Variants in CHST8 observed in about 807,000 individuals in gnomAD.
The protein encoded by CHST8 is GALNAC-4-ST1.
A neutral mutation model predicts 15.0 loss-of-function variants in CHST8; 10 were observed. The observed-to-expected ratio is 0.67, with a 90% CI of 0.41 to 1.13. CHST8 has a LOEUF of 1.13. Ranked by LOEUF, CHST8 falls within the 50% of genes most tolerant of loss-of-function variation. CHST8 has a pLI of 0.00. For synonymous variants in CHST8, 259 were observed against 256.6 expected, an observed-to-expected ratio of 1.01 and a Z score of -0.09; for missense variants, 634 against 608.2, an observed-to-expected ratio of 1.04 and a Z score of -0.45.
intron 3 of CHST8, among the ~76,000 whole-genome samples, chr19:33,694,636 G>A (rs1339515140): frequency 2.6e-5 from 4 of 152,176 alleles, no homozygotes; most frequent in Non-Finnish European, 5.9e-5. Flanking sequence ...CTGGAGTGCA[G>A]TGGCATGATC....
intron 1 of CHST8, among the ~76,000 whole-genome samples, chr19:33,622,992 C>A (rs1972005391): frequency 6.6e-6 from 1 of 152,170 alleles, no homozygotes. Flanking sequence ...GCTCTGACGG[C>A]GGCTGCAACT....
intron 1 of CHST8, among the ~76,000 whole-genome samples, chr19:33,654,314 A>G (rs1274632942): frequency 6.6e-6 from 1 of 152,114 alleles, no homozygotes; most frequent in Admixed American, 6.6e-5. Flanking sequence ...AGCATAAATC[A>G]GGTTTCTCCC....
chr19:33,650,507 C>CTTTTT (rs74174678), intron 1 of CHST8, among the ~76,000 whole-genome samples: 1 of 54,544 alleles, frequency 1.8e-5, no homozygotes, highest in Non-Finnish European at 3.4e-5. Context: ...TTTTCTTTTT[C>CTTTTT]TTTTTCTTTT....
rs565003747 is a variant in CHST8, at chr19:33,768,027, C to T, written c.131-3386C>T. Among the ~76,000 whole-genome samples, 3 of 152,304 alleles carry T rather than the reference C, an allele frequency of 2.0e-5. No individual in the cohort carries two copies. In the South Asian group the frequency reaches 6.2e-4, roughly 32 times the overall value. ...CTTCCTCATCCTCGTGAGCCCTTAG[C>T]TGTACTTCCCTGAGCGCTGATGGAG... On this transcript the variant is annotated intron_variant, in intron 3 of 4. Coordinates refer to ENST00000650847, the MANE Select transcript of CHST8 (RefSeq NM_001127895.2).
intron 2 of CHST8, among the ~76,000 whole-genome samples, chr19:33,670,336 G>T (rs1416440993): frequency 1.3e-5 from 2 of 152,164 alleles, no homozygotes; most frequent in African/African-American, 4.8e-5. Context: ...GTGAGTCTAT[G>T]GGCTGAAGTT....
intron 2 of CHST8, among the ~76,000 whole-genome samples, chr19:33,684,319 G>C (rs1220129923): frequency 2.7e-5 from 4 of 146,846 alleles, no homozygotes; most frequent in Admixed American, 1.4e-4. Flanking sequence ...CAGGTAAATT[G>C]CCTTCCCCGG....
At chr19:33,709,905 C>A (rs60381767) in intron 3 of CHST8, among the ~76,000 whole-genome samples, 4,365 of 152,176 alleles carry the variant, frequency 0.029, 147 homozygotes, top group African/African-American at 0.08. Context: ...AACTCCTAGG[C>A]TCAAGAGAAC....
intron 2 of CHST8, among the ~76,000 whole-genome samples, chr19:33,688,422 GC>G (rs1403559545): frequency 6.6e-6 from 1 of 152,194 alleles, no homozygotes; most frequent in Non-Finnish European, 1.5e-5. Context: ...TTAGTACCCA[GC>G]CTCTGCGCCT....
chr19:33,665,264 C>CA (rs1303077378), intron 1 of CHST8, among the ~76,000 whole-genome samples: 1 of 152,174 alleles, frequency 6.6e-6, no homozygotes, highest in Non-Finnish European at 1.5e-5. Flanking sequence ...TTATGCCAGA[C>CA]AGACTATTTA....
rs1330060060 is a variant in CHST8, at chr19:33,772,889, C to A, written c.1101C>A (p.Asn367Lys). 1 of 1,613,530 alleles carries A rather than the reference C, an allele frequency of 6.2e-7. No individual in the cohort carries two copies. Among genetic ancestry groups the A allele is most frequent in the Admixed American group, 1.7e-5 (1 of 60,024 alleles). ...TGAGCCTCATCCGCGCGCCGCGGAA[C>A]CTGACCTTCCCCCGGTTCAAGGACC... ...FFLSLIRAPRNLTFPRFKDRH... is the reference protein window; with the variant it reads ...FFLSLIRAPRKLTFPRFKDRH... Residue 367 changes from asparagine to lysine, a missense_variant, in exon 5 of 5, where the codon AAC becomes AAA. Physicochemically the swap from Asn to Lys is moderately conservative, Grantham distance 94. Transcript: ENST00000650847.
chr19:33,683,497 T>A lies in CHST8; in HGVS notation c.-86-5679T>A, dbSNP rs1454793291. Among the ~76,000 whole-genome samples the A allele has an allele frequency of 3.9e-5, 6 of 152,320 alleles. No homozygotes were observed. In the East Asian group the frequency reaches 1.2e-3, roughly 29 times the overall value. On this transcript the variant is annotated intron_variant, in intron 2 of 4. Coordinates refer to ENST00000650847, the MANE Select transcript of CHST8 (RefSeq NM_001127895.2). The stretch of plus-strand genomic sequence containing the variant: ...CCCTGGGGGCCGTTTCTTCCTTGCT[T>A]CTTCCTTGCCTCCTGTCATAGGATT...
chr19:33,765,513 TTGTGTGTG>T (rs61673440), intron 3 of CHST8, among the ~76,000 whole-genome samples: 94 of 131,714 alleles, frequency 7.1e-4, no homozygotes, highest in African/African-American at 1.1e-3. Context: ...ATGCCAGTCT[TTGTGTGTG>T]TGTGTGTGTG....
chr19:33,742,942 T>C (rs1007670128), intron 3 of CHST8, among the ~76,000 whole-genome samples: 4 of 152,180 alleles, frequency 2.6e-5, no homozygotes, highest in African/African-American at 7.2e-5. Flanking sequence ...TCCAGGTCTG[T>C]AGTGGCACTG....
chr19:33,647,907 A>C (rs767198650), intron 1 of CHST8, among the ~76,000 whole-genome samples: 2 of 151,800 alleles, frequency 1.3e-5, no homozygotes, highest in Admixed American at 6.6e-5. Flanking sequence ...CTGAGGGAAG[A>C]GGGGTTGAAA....
At chr19:33,650,431 T>A (rs969696560) in intron 1 of CHST8, among the ~76,000 whole-genome samples, 1 of 151,886 alleles carries the variant, frequency 6.6e-6, no homozygotes, top group African/African-American at 2.4e-5. Flanking sequence ...TTAAATTTTT[T>A]AAATTATCAA....
At chr19:33,688,576 A>G (rs930278337) in intron 2 of CHST8, among the ~76,000 whole-genome samples, 9 of 152,172 alleles carry the variant, frequency 5.9e-5, no homozygotes, top group African/African-American at 2.2e-4. Context: ...ACATACGCCA[A>G]CCCATCTGTC....
chr19:33,753,452 CA>C (rs1974463040), intron 3 of CHST8, among the ~76,000 whole-genome samples: 1 of 26,546 alleles, frequency 3.8e-5, no homozygotes, highest in African/African-American at 2.7e-4. Context: ...TCCCACCACC[CA>C]CCCACCATCC....
intron 3 of CHST8, among the ~76,000 whole-genome samples, chr19:33,715,086 T>C (rs1291098949): frequency 2.0e-5 from 3 of 152,182 alleles, no homozygotes; most frequent in Admixed American, 1.3e-4. Flanking sequence ...TCTGTTCATA[T>C]TTGCCCTGTT....
intron 3 of CHST8, among the ~76,000 whole-genome samples, chr19:33,737,275 C>G (rs1250311851): frequency 6.6e-6 from 1 of 152,210 alleles, no homozygotes; most frequent in Non-Finnish European, 1.5e-5. Flanking sequence ...TTTCACTTTG[C>G]TCTGTCAGCT....
Sources: gnomAD v4.1 joint callset for allele counts (sites outside exome capture counted in the v4.1 genomes callset) on GRCh38, gnomAD v4.1.1 for gene constraint, MANE v1.5 for transcripts, NCBI Gene and HGNC (gene_info 2026-07-23, HGNC 2026-07-21) for gene names.